Variants in KCNH7 observed in about 807,000 individuals in gnomAD.
The protein encoded by KCNH7 is voltage-gated inwardly rectifying potassium channel KCNH7.
Under a neutral mutation model 120.8 loss-of-function variants are expected in KCNH7, and 49 were observed. The observed-to-expected ratio is 0.41, with a 90% CI of 0.32 to 0.51. The LOEUF (loss-of-function observed/expected upper bound fraction) is 0.51, where lower values mean the gene tolerates loss of function less well. Ranked by LOEUF, KCNH7 falls within the 20% of genes least tolerant of loss-of-function variation. The pLI is 0.38. For missense variants in KCNH7, 1,097 were observed against 1,446.6 expected (o/e 0.76, Z 3.92); for synonymous variants, 547 against 516.1 (o/e 1.06, Z -0.81).
intron 14 of KCNH7, among the ~76,000 whole-genome samples, chr2:162,378,913 G>A (rs2105399987): frequency 6.6e-6 from 1 of 152,312 alleles, no homozygotes; most frequent in South Asian, 2.1e-4. Context: ...CTGCAGACCT[G>A]CAAACCTCCA....
At chr2:162,679,372 A>G (rs1685635777) in intron 2 of KCNH7, among the ~76,000 whole-genome samples, 1 of 151,668 alleles carries the variant, frequency 6.6e-6, no homozygotes, top group African/African-American at 2.4e-5. Flanking sequence ...ATAATAGAGT[A>G]GAGTGCATTG....
chr2:162,598,277 A>C (rs1156436648), intron 2 of KCNH7, among the ~76,000 whole-genome samples: 1 of 152,120 alleles, frequency 6.6e-6, no homozygotes, highest in East Asian at 1.9e-4. Flanking sequence ...TTTGTAAGTA[A>C]GCTAGACTAT....
At chr2:162,787,250 G>C (rs1683743854) in intron 2 of KCNH7, among the ~76,000 whole-genome samples, 1 of 152,086 alleles carries the variant, frequency 6.6e-6, no homozygotes, top group Non-Finnish European at 1.5e-5. Flanking sequence ...AGTGCCCACA[G>C]ACCCAGAACT....
chr2:162,632,481 TCAA>T lies in KCNH7; in HGVS notation c.308-95404_308-95402del, dbSNP rs1035620399. Among the ~76,000 whole-genome samples, 23 of 152,000 alleles carry T rather than the reference TCAA, an allele frequency of 1.5e-4. 1 individual carries two copies. The highest frequency in any genetic ancestry group is 5.1e-4 in the African/African-American group (21 of 41,536). On this transcript the variant is annotated intron_variant, in intron 2 of 15. Coordinates refer to ENST00000332142, the MANE Select transcript of KCNH7 (RefSeq NM_033272.4). ...ACTGAAAATATTTTTTATCAAACTC[TCAA>T]CATTATATTTATAGAACCTGATAAG...
rs532566904 is a variant in KCNH7, at chr2:162,469,057, T to C, written c.1129-22614A>G. On this transcript the variant is annotated intron_variant, in intron 6 of 15. Transcript: ENST00000332142. ...TTTTGTAGAAGCAGGAATCTTGCTA[T>C]GTTGCACAGGCTGGTCTCAAACAAT... 2.0e-5 allele frequency among the ~76,000 whole-genome samples: 3 copies of C among 152,322 alleles called. No individual in the cohort carries two copies. The South Asian group carries it at 6.2e-4, about 32-fold the overall frequency.
chr2:162,490,295 C>T (rs1690250749), intron 6 of KCNH7, among the ~76,000 whole-genome samples: 1 of 152,220 alleles, frequency 6.6e-6, no homozygotes. Context: ...GAACCCAGCC[C>T]CATCAGCTTA....
intron 2 of KCNH7, among the ~76,000 whole-genome samples, chr2:162,701,032 A>C (rs926284845): frequency 7.2e-5 from 11 of 152,190 alleles, no homozygotes; most frequent in African/African-American, 2.4e-4. Context: ...TCACATAATC[A>C]GATGCTGTTT....
chr2:162,436,704 T>C (rs1049344649), intron 7 of KCNH7, among the ~76,000 whole-genome samples: 4 of 152,186 alleles, frequency 2.6e-5, no homozygotes, highest in Admixed American at 6.5e-5. Flanking sequence ...TCCAACTACA[T>C]TAAGAACACT....
At chr2:162,625,149 G>A (rs976271187) in intron 2 of KCNH7, among the ~76,000 whole-genome samples, 23 of 151,782 alleles carry the variant, frequency 1.5e-4, no homozygotes, top group Admixed American at 1.2e-3. Context: ...CACCTGCCTC[G>A]GCTTCCCAAA....
At chr2:162,657,251 C>G (rs187056415) in intron 2 of KCNH7, among the ~76,000 whole-genome samples, 1 of 152,110 alleles carries the variant, frequency 6.6e-6, no homozygotes, top group African/African-American at 2.4e-5. Context: ...ATATATCCAG[C>G]GCTATAGTTT....
At chr2:162,448,987 G>C (rs757813941) in intron 6 of KCNH7, among the ~76,000 whole-genome samples, 1 of 152,008 alleles carries the variant, frequency 6.6e-6, no homozygotes, top group African/African-American at 2.4e-5. Flanking sequence ...AGACTGAATA[G>C]GAGTCAGAAA....
intron 2 of KCNH7, among the ~76,000 whole-genome samples, chr2:162,679,853 A>G (rs1042084699): frequency 6.6e-6 from 1 of 151,728 alleles, no homozygotes; most frequent in Non-Finnish European, 1.5e-5. Context: ...ATTTGAATTA[A>G]TGTGCTTTTG....
chr2:162,423,258 T>C (rs1345100155), intron 9 of KCNH7, 78 bp downstream of exon 9: 1 of 1,608,626 alleles, frequency 6.2e-7, no homozygotes, highest in South Asian at 1.1e-5. Context: ...TCAAAGCTGG[T>C]GATTCCGGCT....
intron 9 of KCNH7, among the ~76,000 whole-genome samples, chr2:162,408,283 G>A (rs901049093): frequency 6.6e-6 from 1 of 152,002 alleles, no homozygotes; most frequent in Admixed American, 6.6e-5. Context: ...ATTGGGTATT[G>A]TTTCTTGGGA....
In KCNH7 at chr2:162,373,640, C is replaced by A; in HGVS notation, c.3154G>T (p.Asp1052Tyr). ...LNRLESQMTT[D>Y]IQTILQLLQK... ...AGCAACTGTAAGATGGTCTGGATGT[C>A]AGTGGTCATTTGGGATTCAAGCCTA... Residue 1052 changes from aspartate (D) to tyrosine (Y), a missense_variant, in exon 15 of 16, where the codon GAC becomes TAC. Asp to Tyr is a radical substitution (Grantham distance 160). Around this residue, in one of 8 missense-constraint regions of KCNH7, gnomAD observed 406 missense variants for 410.5 expected, o/e 0.99. Transcript: ENST00000332142. The A allele has an allele frequency of 6.5e-7, 1 of 1,526,990 alleles. No homozygotes were observed. Among genetic ancestry groups the A allele is most frequent in the Admixed American group, 2.0e-5 (1 of 49,732 alleles). 94.6% of individuals were successfully genotyped at this position (1,526,990 alleles called of 1,614,324 possible). A position where few individuals can be genotyped will look rare whatever the true frequency, so the allele number is the denominator to read the frequency against.
chr2:162,520,605 A>C (rs1050465105), intron 3 of KCNH7, among the ~76,000 whole-genome samples: 34 of 151,796 alleles, frequency 2.2e-4, no homozygotes, highest in Non-Finnish European at 3.2e-4. Flanking sequence ...CTATAAAAAA[A>C]CAACAACAAC....
chr2:162,698,126 T>A (rs922637812), intron 2 of KCNH7, among the ~76,000 whole-genome samples: 3 of 152,190 alleles, frequency 2.0e-5, no homozygotes, highest in Non-Finnish European at 2.9e-5. Flanking sequence ...TCCTCAACCT[T>A]GAGTCTGCTA....
intron 2 of KCNH7, among the ~76,000 whole-genome samples, chr2:162,735,484 C>A (rs1412305888): frequency 6.6e-6 from 1 of 152,184 alleles, no homozygotes. Context: ...ACTTCCCCAA[C>A]TACTCCTATA....
chr2:162,509,919 G>A (rs760930463), intron 5 of KCNH7, among the ~76,000 whole-genome samples: 3 of 151,528 alleles, frequency 2.0e-5, no homozygotes, highest in Admixed American at 6.6e-5. Context: ...CAAGGAGGTG[G>A]GAGCATTAAA....
Sources: allele counts gnomAD v4.1 joint callset (sites outside exome capture counted in the v4.1 genomes callset), GRCh38; gene constraint gnomAD v4.1.1; regional missense constraint gnomAD v4.1.1; transcripts MANE v1.5; gene names NCBI Gene and HGNC (gene_info 2026-07-23, HGNC 2026-07-21).